SMIM27: variants seen among roughly 807,000 people sequenced by gnomAD.
The protein encoded by SMIM27 is TOPORS antisense RNA 1 (non-protein coding).
In SMIM27, 3 loss-of-function variants were observed where a neutral mutation model predicts 1.8. The observed-to-expected ratio is 1.65, with a 90% CI of 0.75 to 4.28. SMIM27 has a LOEUF of 4.28. Ranked by LOEUF, SMIM27 falls within the 30% of genes most tolerant of loss-of-function variation. The probability of loss-of-function intolerance (pLI) is 0.02; values close to 1 mark genes in which losing one functional copy is unlikely to be tolerated. For synonymous variants in SMIM27, 19 were observed against 13.9 expected, an observed-to-expected ratio of 1.37 and a Z score of -0.82; for missense variants, 63 against 37.0, an observed-to-expected ratio of 1.70 and a Z score of -1.83.
intron 1 of SMIM27, among the ~76,000 whole-genome samples, chr9:32,558,117 A>ATCTTTTTTT (rs1821520760): frequency 7.4e-6 from 1 of 135,230 alleles, no homozygotes; most frequent in African/African-American, 2.7e-5. Context: ...CATAGTATAC[A>ATCTTTTTTT]TTTTTTTTTT....
chr9:32,552,316 G>T, upstream of SMIM27: 1 of 1,432,826 alleles, frequency 7.0e-7, no homozygotes, highest in Non-Finnish European at 9.6e-7. Context: ...GAAGCGAGTG[G>T]GCGGGCGCTC....
At chr9:32,555,308 A>G (rs142806883), downstream of SMIM27, among the ~76,000 whole-genome samples, 1 of 152,344 alleles carries the variant, frequency 6.6e-6, no homozygotes, top group East Asian at 1.9e-4. Flanking sequence ...CAGAATTCCT[A>G]AACAATAAGT....
At chr9:32,566,431 T>C (rs1821791213) in exon 2 of SMIM27, 8 of 838,328 alleles carry the variant, frequency 9.5e-6, no homozygotes, top group African/African-American at 1.7e-5. Context: ...CCTGTTACTG[T>C]AGGGGTTGAT....
upstream of SMIM27, chr9:32,551,588 A>G (rs1821261964): frequency 4.0e-6 from 1 of 249,938 alleles, no homozygotes; most frequent in Non-Finnish European, 8.6e-6. Flanking sequence ...CTCTTTTAAG[A>G]TAACTGCGAG....
At chr9:32,551,907 T>C (rs1321464982), upstream of SMIM27, 1 of 355,678 alleles carries the variant, frequency 2.8e-6, no homozygotes, top group Non-Finnish European at 6.0e-6. Flanking sequence ...ATTTGTCACA[T>C]ATAAAAGAGT....
rs146170319 is a variant in SMIM27 at position 32,559,285 on chromosome 9, G to T, written c.45+6806G>T. Among the ~76,000 whole-genome samples the T allele has an allele frequency of 4.9e-3, 750 of 152,200 alleles. 5 individuals carry two copies. Among genetic ancestry groups the T allele is most frequent in the African/African-American group, 0.017 (712 of 41,514 alleles). On this transcript the variant is annotated intron_variant, in intron 1 of 1. Transcript: ENST00000451672. The stretch of plus-strand genomic sequence containing the variant: ...TAATTCTATCTTAAGAATATACCCT[G>T]AATCCAACTGGTTCTCATCACCAGC...
chr9:32,561,924 T>C (rs1319010588), intron 1 of SMIM27, among the ~76,000 whole-genome samples: 1 of 152,212 alleles, frequency 6.6e-6, no homozygotes, highest in Non-Finnish European at 1.5e-5. Flanking sequence ...CAATTCACCA[T>C]CCATTTCAAT....
chr9:32,556,428 A>C (rs1821457133), downstream of SMIM27, among the ~76,000 whole-genome samples: 1 of 152,260 alleles, frequency 6.6e-6, no homozygotes, highest in African/African-American at 2.4e-5. Flanking sequence ...AGATTGAGGA[A>C]GATCACCTGA....
intron 1 of SMIM27, among the ~76,000 whole-genome samples, chr9:32,560,842 A>G (rs2119012140): frequency 6.6e-6 from 1 of 152,308 alleles, no homozygotes; most frequent in East Asian, 1.9e-4. Flanking sequence ...AGAATTTTAA[A>G]ACTGAATTTA....
intron 1 of SMIM27, among the ~76,000 whole-genome samples, chr9:32,564,947 G>A (rs1821737660): frequency 6.6e-6 from 1 of 152,168 alleles, no homozygotes; most frequent in Non-Finnish European, 1.5e-5. Flanking sequence ...CGACATAATA[G>A]CTATGGCCCT....
downstream of SMIM27, among the ~76,000 whole-genome samples, chr9:32,555,033 A>T (rs1350480456): frequency 1.3e-5 from 2 of 152,148 alleles, no homozygotes; most frequent in Non-Finnish European, 2.9e-5. Context: ...TTGAGAGGCG[A>T]CATAAAAATG....
At position 32,552,357 on chromosome 9, in the gene SMIM27, T is replaced by G. The variant is rs1265217100; in HGVS notation, c.-78T>G. 1.3e-6 allele frequency: 2 copies of G among 1,575,484 alleles called. No homozygotes were observed. The highest frequency in any genetic ancestry group is 1.7e-6 in the Non-Finnish European group (2 of 1,158,366). On this transcript the variant is annotated 5_prime_UTR_variant, in exon 1 of 2. Coordinates refer to ENST00000692500, the MANE Select transcript of SMIM27 (RefSeq NM_001387564.1). ...CGGCTAAAAGATGGCTGCTGGCGCC[T>G]GGCAGCCACCGCCTGGGAGGTTACT... is the stretch of plus-strand genomic sequence containing the variant.
At chr9:32,552,537 A>G in intron 1 of SMIM27, 58 bp downstream of exon 1, 1 of 1,493,688 alleles carries the variant, frequency 6.7e-7, no homozygotes, top group Admixed American at 1.9e-5. Flanking sequence ...CGCAGGCGGA[A>G]AGGCCCTATT....
chr9:32,562,129 G>C (rs762669317), intron 1 of SMIM27, among the ~76,000 whole-genome samples: 1 of 152,036 alleles, frequency 6.6e-6, no homozygotes, highest in Non-Finnish European at 1.5e-5. Flanking sequence ...AGGTACATAC[G>C]GCCACGTTCA....
chr9:32,552,193 G>T, upstream of SMIM27: 1 of 512,686 alleles, frequency 2.0e-6, no homozygotes, highest in Non-Finnish European at 3.4e-6. Flanking sequence ...AAAAAAAAAA[G>T]CAATTTTTAA....
chr9:32,553,964 G>C, downstream of SMIM27: 1 of 1,502,752 alleles, frequency 6.7e-7, no homozygotes, highest in Non-Finnish European at 9.2e-7. Flanking sequence ...CAAAGATACA[G>C]TTAGTACAAA....
At chr9:32,553,832 G>T, downstream of SMIM27, 2 of 1,273,934 alleles carry the variant, frequency 1.6e-6, no homozygotes, top group Non-Finnish European at 2.3e-6. Context: ...GGTAATATAG[G>T]AACAAACTTA....
chr9:32,551,807 G>T (rs902228198), upstream of SMIM27: 37 of 451,218 alleles, frequency 8.2e-5, no homozygotes, highest in Admixed American at 7.1e-4. Context: ...CATTATGGCG[G>T]GTAACGCGTC....
intron 1 of SMIM27, among the ~76,000 whole-genome samples, chr9:32,563,387 G>A (rs1023973946): frequency 6.6e-6 from 1 of 151,486 alleles, no homozygotes; most frequent in East Asian, 1.9e-4. Flanking sequence ...ACCCAGGATG[G>A]CTGGAGTACA....
Sources: allele counts gnomAD v4.1 joint callset (sites outside exome capture counted in the v4.1 genomes callset), GRCh38; gene constraint gnomAD v4.1.1; transcripts MANE v1.5; gene names NCBI Gene and HGNC (gene_info 2026-07-23, HGNC 2026-07-21).